Variants in NLRC4 observed in about 807,000 individuals in gnomAD.
The protein encoded by NLRC4 is NLR family CARD domain-containing protein 4.
Under a neutral mutation model 79.9 loss-of-function variants are expected in NLRC4, and 63 were observed. That is an observed-to-expected ratio of 0.79 (90% CI 0.64 to 0.97). The LOEUF (loss-of-function observed/expected upper bound fraction) is 0.97. Among genes scored for constraint, NLRC4 ranks in the 50% least tolerant of loss-of-function variants. The pLI is 0.00. For missense variants in NLRC4, 1,074 were observed against 1,215.2 expected (o/e 0.88, Z 1.73); for synonymous variants, 461 against 456.5 (o/e 1.01, Z -0.12).
At chr2:32,240,368 T>G (rs1300950151) in intron 5 of NLRC4, among the ~76,000 whole-genome samples, 1 of 149,594 alleles carries the variant, frequency 6.7e-6, no homozygotes, top group Non-Finnish European at 1.5e-5. Context: ...AGAGGAGTAT[T>G]TTAGTGAGGA....
intron 4 of NLRC4, among the ~76,000 whole-genome samples, chr2:32,249,391 A>G (rs1335783852): frequency 6.6e-6 from 1 of 152,202 alleles, no homozygotes. Context: ...ATGTATGTTT[A>G]GCCAACCCAT....
chr2:32,244,046 C>T (rs1238566768), intron 4 of NLRC4, among the ~76,000 whole-genome samples: 1 of 151,918 alleles, frequency 6.6e-6, no homozygotes, highest in Non-Finnish European at 1.5e-5. Context: ...GCACAGGAGT[C>T]CAAGACCAGC....
chr2:32,230,938 C>A (rs1686518095), intron 8 of NLRC4, among the ~76,000 whole-genome samples: 1 of 152,066 alleles, frequency 6.6e-6, no homozygotes, highest in Non-Finnish European at 1.5e-5. Flanking sequence ...TATTGTATGT[C>A]TTTTAATAAA....
intron 7 of NLRC4, among the ~76,000 whole-genome samples, chr2:32,235,976 A>G (rs577786885): frequency 2.6e-5 from 4 of 152,288 alleles, no homozygotes; most frequent in East Asian, 1.9e-4. Context: ...TGTCTTGCAC[A>G]TCGGCTACTC....
At chr2:32,233,870 T>G (rs540636323) in intron 8 of NLRC4, among the ~76,000 whole-genome samples, 185 of 152,310 alleles carry the variant, frequency 1.2e-3, no homozygotes, top group Non-Finnish European at 2.0e-3. Flanking sequence ...TCCAATGCTG[T>G]AAATGGGGTG....
intron 2 of NLRC4, among the ~76,000 whole-genome samples, chr2:32,253,186 G>C (rs79053728): frequency 0.028 from 4,295 of 151,592 alleles, 82 homozygotes; most frequent in East Asian, 0.098. Flanking sequence ...GTCTTGCTGT[G>C]TCACCCAGGC....
intron 1 of NLRC4, among the ~76,000 whole-genome samples, chr2:32,258,702 TAAG>T (rs1396503775): frequency 6.6e-6 from 1 of 152,186 alleles, no homozygotes; most frequent in Non-Finnish European, 1.5e-5. Flanking sequence ...TGTTTTAAGA[TAAG>T]AAACGGATTT....
chr2:32,233,320 A>AATATATATATATATATATATAT (rs1257781417), intron 8 of NLRC4, among the ~76,000 whole-genome samples: 3 of 67,228 alleles, frequency 4.5e-5, no homozygotes, highest in Non-Finnish European at 5.3e-5. Context: ...AGAAATTTTA[A>AATATATATATATATATATATAT]ATATATATAT....
chr2:32,232,452 C>T (rs1686560390), intron 8 of NLRC4, among the ~76,000 whole-genome samples: 1 of 152,082 alleles, frequency 6.6e-6, no homozygotes, highest in African/African-American at 2.4e-5. Context: ...GAAAGTACAC[C>T]CCATCTACTA....
intron 1 of NLRC4, among the ~76,000 whole-genome samples, chr2:32,262,100 G>T (rs1558464590): frequency 6.6e-6 from 1 of 151,980 alleles, no homozygotes; most frequent in African/African-American, 2.4e-5. Flanking sequence ...AAAAAAGAAA[G>T]AAAGAAAAGA....
At chr2:32,261,316 C>CTTTTTTTTTTTTTTTTTTTTTTTTTTT (rs751434892) in intron 1 of NLRC4, among the ~76,000 whole-genome samples, 4,090 of 96,546 alleles carry the variant, frequency 0.042, 1,005 homozygotes, top group Non-Finnish European at 0.057. Flanking sequence ...AGCCTCCCCC[C>CTTTTTTTTTTTTTTTTTTTTTTTTTTT]TTTTGTTTTT....
chr2:32,233,651 C>T (rs1375241847), intron 8 of NLRC4, among the ~76,000 whole-genome samples: 1 of 152,038 alleles, frequency 6.6e-6, no homozygotes, highest in African/African-American at 2.4e-5. Context: ...AGAGAAGATA[C>T]TTGAATCAGA....
chr2:32,243,752 C>T (rs976541770), intron 4 of NLRC4, among the ~76,000 whole-genome samples: 4 of 148,692 alleles, frequency 2.7e-5, no homozygotes, highest in Non-Finnish European at 5.9e-5. Context: ...GAGCCGAGAT[C>T]GCATCATTGC....
Position 32,235,507 on chromosome 2 carries a change from C to G in NLRC4, c.2676G>C (p.Val892=). The G allele has an allele frequency of 6.2e-7, 1 of 1,614,148 alleles. No homozygotes were observed. The highest frequency in any genetic ancestry group is 1.3e-5 in the African/African-American group (1 of 75,058). The change falls in exon 8 of 9, where the codon GTG becomes GTC. Residue 892 remains valine, a synonymous_variant. Transcript: ENST00000402280. ...TCAACAGGCTGCTCAGGCTGCCTTG[C>G]ACGTCACAGCCCCAGGGCAGCATCA... ...TALMLPWGCD[V]QGSLSSLLKH...
At chr2:32,260,856 C>CCCTATGTATATCAGACACCA (rs1687325746) in intron 1 of NLRC4, among the ~76,000 whole-genome samples, 2 of 152,154 alleles carry the variant, frequency 1.3e-5, no homozygotes, top group Admixed American at 1.3e-4. Flanking sequence ...ATCTCTCAGT[C>CCCTATGTATATCAGACACCA]CCTATGTATA....
At chr2:32,237,804 T>G (rs1686706862) in intron 6 of NLRC4, among the ~76,000 whole-genome samples, 1 of 152,210 alleles carries the variant, frequency 6.6e-6, no homozygotes. Flanking sequence ...CATTTATCCA[T>G]TCATTTAAAT....
At position 32,241,637 on chromosome 2, in the gene NLRC4, C is replaced by T. The variant is rs146354409; in HGVS notation, c.2258-512G>A. On this transcript the variant is annotated intron_variant, in intron 4 of 8. Transcript: ENST00000402280. ...TCGTGATCCGCCTGCCTCGGCCTCCCGAAGTGCTGGGATTACAGGCGTGAG... is the reference window on the plus strand; with the variant it reads ...TCGTGATCCGCCTGCCTCGGCCTCCTGAAGTGCTGGGATTACAGGCGTGAG... Among the ~76,000 whole-genome samples, 1,461 of 152,146 alleles carry T rather than the reference C, an allele frequency of 9.6e-3. 13 individuals are homozygous for T. Among genetic ancestry groups the T allele is most frequent in the Admixed American group, 0.015 (233 of 15,266 alleles).
rs992319972 is a variant in NLRC4 at position 32,224,460 on chromosome 2, G to C, written c.*13C>G. On this transcript the variant is annotated 3_prime_UTR_variant, in exon 9 of 9. Transcript: ENST00000402280. ...AGGTCCCAGAGCACTTACTGGCTTC[G>C]AGTACACTTTATTTAAGCAGTTACT... The C allele has an allele frequency of 7.0e-6, 11 of 1,564,350 alleles. No homozygotes were observed. Among genetic ancestry groups the C allele is most frequent in the Middle Eastern group, 1.7e-4 (1 of 5,888 alleles).
chr2:32,238,257 G>A lies in NLRC4; in HGVS notation c.2396C>T (p.Thr799Ile). 1.2e-6 allele frequency: 2 copies of A among 1,612,348 alleles called. No individual in the cohort carries two copies. Among genetic ancestry groups the A allele is most frequent in the Non-Finnish European group, 1.7e-6 (2 of 1,179,434 alleles). The part of the protein sequence containing the change: ...NLKKMCLFHL[T>I]HLSDIGEGMD... ...TCCCTCTCCAATGTCAGACAAGTGG[G>A]TCAAATGAAATAAACACATCTTCTT... The change falls in exon 6 of 9, where the codon ACC (threonine) becomes ATC (isoleucine). Residue 799 changes from threonine to isoleucine, a missense_variant. Coordinates refer to ENST00000402280, the MANE Select transcript of NLRC4 (RefSeq NM_001199138.2).
Sources: gnomAD v4.1 joint callset for allele counts (sites outside exome capture counted in the v4.1 genomes callset) on GRCh38, gnomAD v4.1.1 for gene constraint, MANE v1.5 for transcripts, NCBI Gene and HGNC (gene_info 2026-07-23, HGNC 2026-07-21) for gene names.